The following DNM3 variants were observed in gnomAD, a reference collection of about 807,000 sequenced individuals.
DNM3 encodes the protein dynamin 3, also known as dynamin-3.
Under a neutral mutation model 101.6 loss-of-function variants are expected in DNM3, and 47 were observed. The ratio of observed to expected loss-of-function variants is 0.46; its 90% CI spans 0.37 to 0.59. The LOEUF is 0.59. Among genes scored for constraint, DNM3 ranks in the 20% least tolerant of loss-of-function variants. The pLI is 0.00. For missense variants in DNM3, 849 were observed against 1,085.7 expected (o/e 0.78, Z 3.06); for synonymous variants, 385 against 387.9 (o/e 0.99, Z 0.09).
chr1:172,156,254 C>A (rs533752641), intron 14 of DNM3, among the ~76,000 whole-genome samples: 4 of 152,098 alleles, frequency 2.6e-5, no homozygotes, highest in Non-Finnish European at 5.9e-5. Context: ...TATGACCACC[C>A]CAGTGTTTAT....
intron 17 of DNM3, among the ~76,000 whole-genome samples, chr1:172,359,062 G>A (rs763678369): frequency 5.9e-5 from 9 of 151,686 alleles, no homozygotes; most frequent in Admixed American, 1.3e-4. Context: ...TGGCTCAGAC[G>A]GGGCCTGGGG....
At chr1:172,187,108 T>G (rs939632014) in intron 14 of DNM3, among the ~76,000 whole-genome samples, 1 of 152,122 alleles carries the variant, frequency 6.6e-6, no homozygotes, top group African/African-American at 2.4e-5. Context: ...ATGTCATTAC[T>G]TTTTCCAAGG....
chr1:172,203,794 CA>C (rs1224928425), intron 14 of DNM3, among the ~76,000 whole-genome samples: 1 of 152,064 alleles, frequency 6.6e-6, no homozygotes, highest in African/African-American at 2.4e-5. Flanking sequence ...AATCACTCAG[CA>C]AAAAGGCTAA....
intron 16 of DNM3, chr1:172,310,097 C>T (rs1189061371): frequency 1.3e-5 from 2 of 152,128 alleles, no homozygotes; most frequent in South Asian, 2.1e-4. Context: ...GAGTTGTTCT[C>T]CTGTTATATG....
intron 17 of DNM3, among the ~76,000 whole-genome samples, chr1:172,332,849 A>T (rs556906958): frequency 7.0e-4 from 107 of 152,358 alleles, no homozygotes; most frequent in African/African-American, 2.5e-3. Flanking sequence ...GGAGAACCAG[A>T]TATTTGGATG....
intron 15 of DNM3, among the ~76,000 whole-genome samples, chr1:172,283,759 CAAAAAAAAAAAAAAA>C (rs769812358): frequency 2.5e-5 from 1 of 40,300 alleles, no homozygotes; most frequent in Non-Finnish European, 6.0e-5. Flanking sequence ...GACTCCATCT[CAAAAAAAAAAAAAAA>C]AAAAAAAAAG....
intron 16 of DNM3, chr1:172,311,246 G>A (rs1368605532): frequency 6.6e-6 from 1 of 151,950 alleles, no homozygotes; most frequent in Non-Finnish European, 1.5e-5. Flanking sequence ...ATACAGCCCA[G>A]TGAGATTATA....
intron 14 of DNM3, among the ~76,000 whole-genome samples, chr1:172,247,731 C>A (rs149572740): frequency 0.012 from 1,879 of 151,694 alleles, 31 homozygotes; most frequent in Admixed American, 0.038. Context: ...GTCACCCAGG[C>A]TGGAGTGCAA....
At chr1:171,966,650 A>T (rs1173971982) in intron 2 of DNM3, among the ~76,000 whole-genome samples, 1 of 152,202 alleles carries the variant, frequency 6.6e-6, no homozygotes, top group Non-Finnish European at 1.5e-5. Context: ...AGTCATACAC[A>T]TTCAGAAGTT....
At chr1:172,386,004 A>G (rs2069157246) in intron 18 of DNM3, among the ~76,000 whole-genome samples, 1 of 152,252 alleles carries the variant, frequency 6.6e-6, no homozygotes, top group Non-Finnish European at 1.5e-5. Flanking sequence ...TATGGATTCA[A>G]CTGAATGCTG....
At position 172,026,202 on chromosome 1, in the gene DNM3, A is replaced by T. The variant is rs533863198; in HGVS notation, c.590-6200A>T. ...CCAAATCAATCAAGCGGAAGAAAGG[A>T]TATCAGAGATTGAAGATCATCTTAA... On this transcript the variant is annotated intron_variant, in intron 4 of 20. Transcript: ENST00000627582. 9.9e-5 allele frequency among the ~76,000 whole-genome samples: 15 copies of T among 152,212 alleles called. No homozygotes were observed. In the South Asian group the frequency reaches 3.1e-3, roughly 32 times the overall value.
At chr1:171,871,495 G>A (rs2035278676) in intron 1 of DNM3, among the ~76,000 whole-genome samples, 1 of 152,136 alleles carries the variant, frequency 6.6e-6, no homozygotes, top group South Asian at 2.1e-4. Context: ...AAATCATGTA[G>A]GATGTGGGAT....
At chr1:172,156,989 G>A (rs1179552254) in intron 14 of DNM3, among the ~76,000 whole-genome samples, 6 of 152,046 alleles carry the variant, frequency 3.9e-5, no homozygotes, top group African/African-American at 1.4e-4. Context: ...ACCGGGGACT[G>A]GTTTCATGGA....
At chr1:172,275,077 T>C (rs2063227808) in intron 15 of DNM3, among the ~76,000 whole-genome samples, 1 of 152,058 alleles carries the variant, frequency 6.6e-6, no homozygotes, top group South Asian at 2.1e-4. Flanking sequence ...TAATTATTCC[T>C]AGACAACTAT....
chr1:172,124,499 C>T (rs1475056490), intron 13 of DNM3, among the ~76,000 whole-genome samples: 1 of 152,154 alleles, frequency 6.6e-6, no homozygotes, highest in Non-Finnish European at 1.5e-5. Context: ...TGCATTTCTC[C>T]TCCTGCCTCC....
chr1:172,051,879 T>C (rs2050229284), intron 10 of DNM3, among the ~76,000 whole-genome samples: 1 of 152,200 alleles, frequency 6.6e-6, no homozygotes, highest in South Asian at 2.1e-4. Context: ...TGCTAAAATT[T>C]ACTGCTTATC....
At chr1:172,014,078 CAT>C (rs986676893) in intron 4 of DNM3, among the ~76,000 whole-genome samples, 81 of 152,176 alleles carry the variant, frequency 5.3e-4, no homozygotes, top group African/African-American at 1.9e-3. Context: ...CTTGAACACA[CAT>C]GTTTATAGCA....
intron 1 of DNM3, among the ~76,000 whole-genome samples, chr1:171,893,383 A>G (rs1437801604): frequency 2.6e-5 from 4 of 151,868 alleles, no homozygotes; most frequent in African/African-American, 7.3e-5. Context: ...TACTAGTACA[A>G]TGCATTGTCA....
At chr1:172,056,020 C>T (rs1350351454) in intron 10 of DNM3, among the ~76,000 whole-genome samples, 1 of 152,194 alleles carries the variant, frequency 6.6e-6, no homozygotes, top group Non-Finnish European at 1.5e-5. Context: ...TGAAGCATTG[C>T]CTCACTCCGG....
Sources: gnomAD v4.1 joint callset for allele counts (sites outside exome capture counted in the v4.1 genomes callset) on GRCh38, gnomAD v4.1.1 for gene constraint, MANE v1.5 for transcripts, NCBI Gene and HGNC (gene_info 2026-07-23, HGNC 2026-07-21) for gene names.